MAPKAP1: variants seen among roughly 807,000 people sequenced by gnomAD.
MAPKAP1 encodes MAPK associated protein 1, also known as target of rapamycin complex 2 subunit MAPKAP1.
MAPKAP1 carries 20 observed loss-of-function variants against 65.7 expected under a neutral mutation model. That is an observed-to-expected ratio of 0.30 (90% CI 0.21 to 0.44). MAPKAP1 has a LOEUF of 0.44. Among genes scored for constraint, MAPKAP1 ranks in the 20% least tolerant of loss-of-function variants. The probability of loss-of-function intolerance (pLI) is 1.00; values close to 1 mark genes in which losing one functional copy is unlikely to be tolerated. For synonymous variants in MAPKAP1, 222 were observed against 244.3 expected (o/e 0.91, Z 0.85); for missense variants, 423 against 648.0 (o/e 0.65, Z 3.77).
intron 1 of MAPKAP1, among the ~76,000 whole-genome samples, chr9:125,679,398 T>C (rs573286694): frequency 5.3e-4 from 81 of 152,232 alleles, no homozygotes; most frequent in African/African-American, 1.9e-3. Flanking sequence ...AGAGAGCAAA[T>C]GTGTTATGCA....
chr9:125,458,515 G>C (rs1025053329), intron 10 of MAPKAP1, among the ~76,000 whole-genome samples: 3 of 152,002 alleles, frequency 2.0e-5, no homozygotes, highest in Non-Finnish European at 2.9e-5. Flanking sequence ...ACATGTTTCA[G>C]AGAGCACAGG....
chr9:125,480,755 A>G (rs527770354), intron 9 of MAPKAP1, among the ~76,000 whole-genome samples: 20 of 151,874 alleles, frequency 1.3e-4, no homozygotes, highest in Non-Finnish European at 1.9e-4. Flanking sequence ...GGTGGATCAC[A>G]AGGTCAGGAG....
intron 3 of MAPKAP1, among the ~76,000 whole-genome samples, chr9:125,663,403 T>C (rs999952420): frequency 4.6e-5 from 7 of 152,170 alleles, no homozygotes; most frequent in Admixed American, 1.3e-4. Flanking sequence ...AGTACCTTCC[T>C]AATGAGCCCT....
At chr9:125,698,316 T>TATATATATATATATATAAA in intron 1 of MAPKAP1, among the ~76,000 whole-genome samples, 1 of 86,636 alleles carries the variant, frequency 1.2e-5, no homozygotes, top group East Asian at 4.0e-4. Flanking sequence ...TATATATATA[T>TATATATATATATATATAAA]ATATATATAT....
chr9:125,505,916 G>T (rs551192182), intron 8 of MAPKAP1: 9 of 237,232 alleles, frequency 3.8e-5, no homozygotes, highest in African/African-American at 2.0e-4. Context: ...ACTGCCTCCT[G>T]CTAGAATATG....
intron 4 of MAPKAP1, among the ~76,000 whole-genome samples, chr9:125,615,538 C>CAAAA (rs58426049): frequency 9.9e-5 from 11 of 110,750 alleles, no homozygotes; most frequent in African/African-American, 4.3e-4. Flanking sequence ...ACTAAAAATA[C>CAAAA]AAAAAAAAAA....
At chr9:125,536,018 A>G (rs538906252) in intron 7 of MAPKAP1, among the ~76,000 whole-genome samples, 1 of 152,394 alleles carries the variant, frequency 6.6e-6, no homozygotes, top group Admixed American at 6.5e-5. Context: ...ACTAGCAGGA[A>G]GAGTAAATGC....
chr9:125,701,534 C>A (rs935061739), intron 1 of MAPKAP1, among the ~76,000 whole-genome samples: 3 of 152,194 alleles, frequency 2.0e-5, no homozygotes, highest in Non-Finnish European at 2.9e-5. Flanking sequence ...TTAGTGGTAT[C>A]CGCATATTCA....
intron 1 of MAPKAP1, among the ~76,000 whole-genome samples, chr9:125,679,853 C>A (rs1459014853): frequency 6.6e-6 from 1 of 152,184 alleles, no homozygotes; most frequent in Non-Finnish European, 1.5e-5. Flanking sequence ...CTCTCACCTG[C>A]AATCTGTGAA....
chr9:125,601,574 C>T (rs1175887941), intron 4 of MAPKAP1, among the ~76,000 whole-genome samples: 1 of 152,204 alleles, frequency 6.6e-6, no homozygotes, highest in African/African-American at 2.4e-5. Flanking sequence ...CTTTCATGCA[C>T]ATCCAGCTTA....
chr9:125,620,047 G>A (rs980134979), intron 4 of MAPKAP1, among the ~76,000 whole-genome samples: 3 of 152,206 alleles, frequency 2.0e-5, no homozygotes, highest in African/African-American at 4.8e-5. Flanking sequence ...AACGGCTCAC[G>A]CCTGTAATCC....
intron 5 of MAPKAP1, among the ~76,000 whole-genome samples, chr9:125,571,124 T>C (rs1246720643): frequency 6.6e-6 from 1 of 152,204 alleles, no homozygotes; most frequent in Non-Finnish European, 1.5e-5. Context: ...TTGCTTTCTT[T>C]GGACTATATG....
chr9:125,459,684 A>G (rs1046364591), intron 10 of MAPKAP1, among the ~76,000 whole-genome samples: 1 of 152,112 alleles, frequency 6.6e-6, no homozygotes, highest in Middle Eastern at 3.2e-3. Flanking sequence ...GCGTGGCGGC[A>G]CGCGCCTGCA....
chr9:125,669,263 T>A (rs952274872), intron 3 of MAPKAP1, among the ~76,000 whole-genome samples: 1 of 151,510 alleles, frequency 6.6e-6, no homozygotes, highest in Non-Finnish European at 1.5e-5. Context: ...GGTGGATTAC[T>A]GGAGGTCAGG....
intron 7 of MAPKAP1, 111 bp from the exon 8 acceptor site, chr9:125,506,528 A>G: frequency 2.2e-6 from 2 of 898,982 alleles, no homozygotes; most frequent in Non-Finnish European, 1.8e-6. Flanking sequence ...TAAAGTGTTA[A>G]AGTCTGTCTT....
At chr9:125,704,816 T>A (rs1266036606) in intron 1 of MAPKAP1, among the ~76,000 whole-genome samples, 1 of 152,196 alleles carries the variant, frequency 6.6e-6, no homozygotes, top group Non-Finnish European at 1.5e-5. Context: ...CTTATAGCTA[T>A]TTATTTCGGG....
chr9:125,509,060 T>G (rs987049593), intron 7 of MAPKAP1, among the ~76,000 whole-genome samples: 1 of 152,084 alleles, frequency 6.6e-6, no homozygotes, highest in Non-Finnish European at 1.5e-5. Flanking sequence ...TAAAATATAA[T>G]AGCAGAGTGG....
At chr9:125,504,305 T>A (rs1829074987) in intron 8 of MAPKAP1, among the ~76,000 whole-genome samples, 1 of 152,202 alleles carries the variant, frequency 6.6e-6, no homozygotes, top group South Asian at 2.1e-4. Flanking sequence ...CATTTGGGAA[T>A]CAGTGATTTT....
chr9:125,690,052 C>A (rs561541578), intron 1 of MAPKAP1, among the ~76,000 whole-genome samples: 1 of 152,324 alleles, frequency 6.6e-6, no homozygotes, highest in South Asian at 2.1e-4. Flanking sequence ...TGCGCCATTG[C>A]ACTCCAGCCT....
Sources: allele counts gnomAD v4.1 joint callset (sites outside exome capture counted in the v4.1 genomes callset), GRCh38; gene constraint gnomAD v4.1.1; transcripts MANE v1.5; gene names NCBI Gene and HGNC (gene_info 2026-07-23, HGNC 2026-07-21).